NAA60: variants seen among roughly 807,000 people sequenced by gnomAD.
NAA60 encodes the protein N-alpha-acetyltransferase 60, NatF catalytic subunit, also known as N-alpha-acetyltransferase 60.
NAA60 carries 8 observed loss-of-function variants against 26.1 expected under a neutral mutation model. The ratio of observed to expected loss-of-function variants is 0.31; its 90% CI spans 0.18 to 0.55. The LOEUF (loss-of-function observed/expected upper bound fraction) is 0.55. Among genes scored for constraint, NAA60 ranks in the 20% least tolerant of loss-of-function variants. The pLI is 0.93. For synonymous variants in NAA60, 131 were observed against 122.5 expected (o/e 1.07, Z -0.46); for missense variants, 290 against 311.3 (o/e 0.93, Z 0.51).
intron 1 of NAA60, chr16:3,447,763 A>C (rs2034613073): frequency 2.7e-6 from 1 of 376,032 alleles, no homozygotes; most frequent in Non-Finnish European, 3.7e-6. Context: ...TGCCTGCAAG[A>C]ACAAGAGGCT....
chr16:3,479,590 T>A lies in NAA60; in HGVS notation c.230T>A (p.Ile77Lys). The A allele has an allele frequency of 6.2e-7, 1 of 1,613,968 alleles. No individual in the cohort carries two copies. ...IVAEIKNRTKIHKEDGDILAS... is the reference protein window; with the variant it reads ...IVAEIKNRTKKHKEDGDILAS... ...GCTGAAATTAAGAACAGGACCAAAA[T>A]ACATAAAGAGGTACGTACGTGTGTG... The change falls in exon 4 of 8, where the codon ATA (isoleucine) becomes AAA (lysine). Residue 77 changes from isoleucine (I) to lysine (K), a missense_variant. Physicochemically the swap from Ile to Lys is moderately radical, Grantham distance 102. Coordinates refer to ENST00000407558, the MANE Select transcript of NAA60 (RefSeq NM_001083601.3).
intron 2 of NAA60, among the ~76,000 whole-genome samples, chr16:3,460,933 A>G (rs2035349480): frequency 6.6e-6 from 1 of 152,182 alleles, no homozygotes; most frequent in Admixed American, 6.5e-5. Context: ...TTTGATATGT[A>G]TGTATGTATA....
chr16:3,447,670 G>T (rs749843283), intron 1 of NAA60: 22 of 979,728 alleles, frequency 2.2e-5, no homozygotes, highest in Non-Finnish European at 2.5e-5. Flanking sequence ...TTTCTTACTG[G>T]TGTTCAGAAT....
At chr16:3,455,386 G>GTTTTTTTT (rs35501650) in intron 2 of NAA60, among the ~76,000 whole-genome samples, 12 of 101,964 alleles carry the variant, frequency 1.2e-4, no homozygotes, top group South Asian at 3.4e-4. Flanking sequence ...AGAGTTTTTA[G>GTTTTTTTT]TTTTTTTTTT....
chr16:3,446,520 G>A (rs1417810440), intron 1 of NAA60, among the ~76,000 whole-genome samples: 2 of 139,394 alleles, frequency 1.4e-5, no homozygotes, highest in Non-Finnish European at 3.1e-5. Context: ...GACAGAGTGA[G>A]ACTCTGTCTG....
At chr16:3,452,140 G>A (rs1330995714) in intron 2 of NAA60, among the ~76,000 whole-genome samples, 1 of 152,168 alleles carries the variant, frequency 6.6e-6, no homozygotes, top group East Asian at 1.9e-4. Flanking sequence ...TTGAGACCAG[G>A]AGGTTGACGC....
chr16:3,466,071 C>T (rs543588892), intron 2 of NAA60, among the ~76,000 whole-genome samples: 155 of 152,206 alleles, frequency 1.0e-3, no homozygotes, highest in African/African-American at 1.6e-3. Flanking sequence ...CCAGCAGATC[C>T]GTACGTTTTG....
At chr16:3,478,468 C>T (rs952967909) in intron 3 of NAA60, among the ~76,000 whole-genome samples, 2 of 152,152 alleles carry the variant, frequency 1.3e-5, no homozygotes, top group African/African-American at 4.8e-5. Context: ...TGACATGAAC[C>T]GGGCTGTGAG....
chr16:3,454,782 C>T (rs1340361527), intron 2 of NAA60, among the ~76,000 whole-genome samples: 2 of 152,166 alleles, frequency 1.3e-5, no homozygotes, highest in East Asian at 1.9e-4. Flanking sequence ...CTGAACTCAT[C>T]ACAGAGCCAA....
At chr16:3,466,694 A>AG (rs1451976880) in intron 2 of NAA60, among the ~76,000 whole-genome samples, 1 of 152,168 alleles carries the variant, frequency 6.6e-6, no homozygotes, top group Non-Finnish European at 1.5e-5. Context: ...TCTCTTGAGC[A>AG]GAAGCCTGGT....
Position 3,459,091 on chromosome 16 carries a change from AAGGTTAAC to A in NAA60, c.-7+10554_-7+10561del, listed in dbSNP as rs1387297438. Among the ~76,000 whole-genome samples, 4 of 152,346 alleles carry A rather than the reference AAGGTTAAC, an allele frequency of 2.6e-5. No homozygotes were observed. In the South Asian group the frequency reaches 8.3e-4, roughly 32 times the overall value. On this transcript the variant is annotated intron_variant, in intron 2 of 7. Transcript: ENST00000407558. ...GTGTCACTCATTTATCTTGAAAGAAAAGGTTAACAGCCCAACAGAGTAGTTCGCTTTGG... is the reference window on the plus strand; with the variant it reads ...GTGTCACTCATTTATCTTGAAAGAAAAGCCCAACAGAGTAGTTCGCTTTGG...
chr16:3,481,676 G>C (rs1355066847), intron 4 of NAA60, among the ~76,000 whole-genome samples: 1 of 152,168 alleles, frequency 6.6e-6, no homozygotes, highest in African/African-American at 2.4e-5. Context: ...TCAAGGTCAG[G>C]GCAAAGTAGA....
At chr16:3,468,753 C>A (rs1415824530) in intron 2 of NAA60, among the ~76,000 whole-genome samples, 1 of 152,180 alleles carries the variant, frequency 6.6e-6, no homozygotes, top group Non-Finnish European at 1.5e-5. Flanking sequence ...CAGGCTCGAG[C>A]CTTTGAAGCT....
intron 2 of NAA60, chr16:3,462,725 A>T (rs2035491630): frequency 6.6e-6 from 1 of 152,170 alleles, no homozygotes; most frequent in Non-Finnish European, 1.5e-5. Flanking sequence ...TCTTGTTGTA[A>T]GCACAAGAAA....
At chr16:3,472,571 T>A (rs1482365550) in intron 2 of NAA60, among the ~76,000 whole-genome samples, 3 of 152,098 alleles carry the variant, frequency 2.0e-5, no homozygotes, top group Non-Finnish European at 4.4e-5. Flanking sequence ...TAACTGGGAT[T>A]ACAGGTGCCT....
chr16:3,448,383 G>T, intron 1 of NAA60, 88 bp from the exon 2 acceptor site: 3 of 1,051,748 alleles, frequency 2.9e-6, no homozygotes, highest in Non-Finnish European at 4.1e-6. Context: ...CTGAGATCCA[G>T]GGTTTGTCTG....
At chr16:3,478,691 G>T (rs1437575037) in intron 3 of NAA60, among the ~76,000 whole-genome samples, 1 of 152,136 alleles carries the variant, frequency 6.6e-6, no homozygotes, top group Non-Finnish European at 1.5e-5. Context: ...CCCCTTAAGG[G>T]CGGGTTCCTC....
At chr16:3,454,557 C>G (rs1369202889) in intron 2 of NAA60, among the ~76,000 whole-genome samples, 1 of 151,932 alleles carries the variant, frequency 6.6e-6, no homozygotes, top group African/African-American at 2.4e-5. Flanking sequence ...AATAGATAAA[C>G]TGAAGGAGAG....
chr16:3,483,266 A>G, intron 5 of NAA60, 97 bp from the exon 6 acceptor site: 1 of 879,948 alleles, frequency 1.1e-6, no homozygotes, highest in Non-Finnish European at 1.8e-6. Context: ...GTGGGCCGAG[A>G]CATCTCCGAG....
Sources: gnomAD v4.1 joint callset for allele counts (sites outside exome capture counted in the v4.1 genomes callset) on GRCh38, gnomAD v4.1.1 for gene constraint, MANE v1.5 for transcripts, NCBI Gene and HGNC (gene_info 2026-07-23, HGNC 2026-07-21) for gene names.